CROCC2: variants seen among roughly 807,000 people sequenced by gnomAD.
The protein encoded by CROCC2 is ciliary rootlet coiled-coil, rootletin family member 2, also known as ciliary rootlet coiled-coil protein 2.
A neutral mutation model predicts 177.6 loss-of-function variants in CROCC2; 163 were observed. The ratio of observed to expected loss-of-function variants is 0.92; its 90% CI spans 0.81 to 1.05. The LOEUF is 1.05. Among genes scored for constraint, CROCC2 ranks in the 50% least tolerant of loss-of-function variants. The pLI is 0.00. For missense variants in CROCC2, 1,929 were observed against 1,797.8 expected (o/e 1.07, Z -1.32); for synonymous variants, 904 against 787.3 (o/e 1.15, Z -2.48).
rs1405673868 is a variant in CROCC2, at chr2:240,927,765, C to T, written c.645+1885C>T. ...TCCCGGGTTCAAACGATTCTCCCGC[C>T]TCAACCTCCTGAGTAGTTGGGATTA... On this transcript the variant is annotated intron_variant, in intron 5 of 31. Transcript: ENST00000690015. Among the ~76,000 whole-genome samples, 4 of 152,366 alleles carry T rather than the reference C, an allele frequency of 2.6e-5. No individual in the cohort carries two copies. The South Asian group carries it at 6.2e-4, about 24-fold the overall frequency.
intron 8 of CROCC2, 114 bp downstream of exon 8, chr2:240,932,528 G>T: frequency 1.4e-6 from 1 of 700,030 alleles, no homozygotes; most frequent in South Asian, 1.5e-5. Context: ...GGGCAAGGTG[G>T]GGTCCCTGCA....
In CROCC2 at chr2:240,932,772, G is replaced by A. The variant is rs531224250; in HGVS notation, c.1115G>A (p.Arg372His). 3.3e-4 allele frequency: 426 copies of A among 1,282,652 alleles called. 1 individual carries two copies. In the African/African-American group the frequency reaches 3.8e-3, roughly 11 times the overall value. 79.5% of individuals were successfully genotyped at this position (1,282,652 alleles called of 1,614,324 possible). ...SSITELGEPR[R>H]PLRSPQRATS... Reference sequence around the variant, plus strand: ...ATCACTGAATTGGGGGAGCCACGGCGCCCACTGAGGAGCCCCCAACGTGCC... The same window carrying A: ...ATCACTGAATTGGGGGAGCCACGGCACCCACTGAGGAGCCCCCAACGTGCC... The change falls in exon 9 of 32, where the codon CGC becomes CAC. Residue 372 changes from arginine (R) to histidine (H), a missense_variant. By Grantham distance (29) the Arg-to-His change is conservative. Coordinates refer to ENST00000690015, the MANE Select transcript of CROCC2 (RefSeq NM_001351305.2).
chr2:240,962,887 T>C (rs199518898), intron 20 of CROCC2, among the ~76,000 whole-genome samples: 10 of 143,764 alleles, frequency 7.0e-5, no homozygotes, highest in African/African-American at 2.4e-4. Flanking sequence ...ACCCCACCCC[T>C]GGGTTCTCCC....
At chr2:240,957,290 T>A (rs766011500) in intron 19 of CROCC2, 2 of 152,220 alleles carry the variant, frequency 1.3e-5, no homozygotes, top group Admixed American at 1.3e-4. Flanking sequence ...TTCCCGTACT[T>A]GTTGGCTTAT....
At chr2:240,959,008 G>T in intron 19 of CROCC2, 1 of 347,432 alleles carries the variant, frequency 2.9e-6, no homozygotes, top group East Asian at 5.8e-5. Flanking sequence ...GTCCCTGTAG[G>T]GATGGGCCCT....
At chr2:240,988,204 G>C (rs1482737937) in intron 28 of CROCC2, among the ~76,000 whole-genome samples, 2 of 152,210 alleles carry the variant, frequency 1.3e-5, no homozygotes, top group Non-Finnish European at 2.9e-5. Context: ...GGAGCACATT[G>C]GGGCAGCCTA....
At chr2:240,966,125 C>T (rs986637090) in intron 24 of CROCC2, 100 bp from the exon 25 acceptor site, 10 of 1,259,218 alleles carry the variant, frequency 7.9e-6, no homozygotes, top group Non-Finnish European at 1.0e-5. Flanking sequence ...GTGGCCGTCT[C>T]CCCAACCTCC....
chr2:240,959,268 C>G, intron 19 of CROCC2, 33 bp from the exon 20 acceptor site: 1 of 1,547,278 alleles, frequency 6.5e-7, no homozygotes, highest in Non-Finnish European at 8.7e-7. Context: ...GCCCAGCTCC[C>G]TGGTGCCACC....
rs2059605421 is a variant in CROCC2 at position 240,958,137 on chromosome 2, G to A, written c.2944-1164G>A. The A allele has an allele frequency of 2.0e-6, 2 of 985,320 alleles. No homozygotes were observed. Among genetic ancestry groups the A allele is most frequent in the Non-Finnish European group, 2.4e-6 (2 of 829,936 alleles). 61.0% of individuals were successfully genotyped at this position (985,320 alleles called of 1,614,324 possible). ...ATTAAAACTGTTGAGAGGAGCGGGAGGAGAGGAATGCCGGCCAAGGAGCAC... is the reference window on the plus strand; with the variant it reads ...ATTAAAACTGTTGAGAGGAGCGGGAAGAGAGGAATGCCGGCCAAGGAGCAC... On this transcript the variant is annotated intron_variant, in intron 19 of 31. Transcript: ENST00000690015. This position sits in a 1 kb window ranked among gnomAD's most constrained non-coding sequence, Gnocchi z 6.7.
Position 240,935,516 on chromosome 2 carries a change from G to T in CROCC2, c.2097G>T (p.Arg699=). The change falls in exon 14 of 32, where the codon CGG becomes CGT. Residue 699 remains arginine (R), a synonymous_variant. Transcript: ENST00000690015. Reference sequence around the variant, plus strand: ...AGGCCTGCGGACGCCTGGAGCAGCGGCAGGAGCAGCTGGAGGGGCAGGCAG... The same window carrying T: ...AGGCCTGCGGACGCCTGGAGCAGCGTCAGGAGCAGCTGGAGGGGCAGGCAG... The part of the protein sequence containing the change: ...LQQACGRLEQ[R]QEQLEGQAAL... 2.2e-6 allele frequency: 3 copies of T among 1,351,388 alleles called. No homozygotes were observed. The highest frequency in any genetic ancestry group is 1.9e-6 in the Non-Finnish European group (2 of 1,049,100). 83.7% of individuals were successfully genotyped at this position (1,351,388 alleles called of 1,614,324 possible). A position where few individuals can be genotyped will look rare whatever the true frequency, so the allele number is the denominator to read the frequency against.
At position 240,932,830 on chromosome 2, in the gene CROCC2, C is replaced by T. The variant is rs1480458981; in HGVS notation, c.1173C>T (p.His391=). The T allele has an allele frequency of 3.2e-6, 5 of 1,543,734 alleles. No homozygotes were observed. Among genetic ancestry groups the T allele is most frequent in the Non-Finnish European group, 4.4e-6 (5 of 1,143,278 alleles). Residue 391 remains histidine (H), a synonymous_variant, in exon 9 of 32, where the codon CAC becomes CAT. Transcript: ENST00000690015. ...CCCATCAAGGGGCGTCCCCACCACA[C>T]ATCTGCTCCCCAGCCACCCTGGACC... The part of the protein sequence containing the change: ...TSPHQGASPP[H]ICSPATLDPA...
chr2:240,928,768 C>T (rs1442881423), intron 5 of CROCC2, among the ~76,000 whole-genome samples: 1 of 151,506 alleles, frequency 6.6e-6, no homozygotes, highest in Admixed American at 6.6e-5. Flanking sequence ...GAGGAGCACG[C>T]CCTCGGAGGG....
At chr2:240,975,406 C>T (rs13412511) in intron 27 of CROCC2, among the ~76,000 whole-genome samples, 75 of 152,190 alleles carry the variant, frequency 4.9e-4, no homozygotes, top group Non-Finnish European at 8.5e-4. Context: ...GAGGGCAGGA[C>T]GGGGCAGCTC....
intron 1 of CROCC2, 99 bp downstream of exon 1, chr2:240,906,690 T>C (rs2059256075): frequency 2.5e-6 from 1 of 398,286 alleles, no homozygotes; most frequent in African/African-American, 2.1e-5. Context: ...AGGAGGCACC[T>C]TCCTGGCTCC....
Position 240,963,585 on chromosome 2 carries a change from G to A in CROCC2, c.3117G>A (p.Val1039=). ...EAERLRAQLT[V]AQEGLAALRQ... is the part of the protein sequence containing the mutation. ...AGAGGCTGCGGGCACAGCTGACCGT[G>A]GCCCAGGAGGGACTGGCCGCACTGC... The change falls in exon 21 of 32, where the codon GTG becomes GTA. Residue 1039 remains valine (V), a synonymous_variant. Transcript: ENST00000690015. 6.5e-7 allele frequency: 1 copy of A among 1,545,854 alleles called. No individual in the cohort carries two copies. The highest frequency in any genetic ancestry group is 8.7e-7 in the Non-Finnish European group (1 of 1,144,866).
intron 27 of CROCC2, among the ~76,000 whole-genome samples, chr2:240,974,534 C>CTTTTTTTT (rs61276773): frequency 7.4e-6 from 1 of 134,916 alleles, no homozygotes; most frequent in Non-Finnish European, 1.6e-5. Flanking sequence ...TCTTTTTTTT[C>CTTTTTTTT]TTTTTTTTTT....
chr2:240,988,640 A>T, intron 28 of CROCC2, 99 bp from the exon 29 acceptor site: 1 of 1,206,962 alleles, frequency 8.3e-7, no homozygotes, highest in Non-Finnish European at 1.1e-6. Context: ...GGGAATTCAG[A>T]GTCCTTCCCA....
rs2059658493 is a variant in CROCC2 at position 240,963,734 on chromosome 2, T to C, written c.3266T>C (p.Leu1089Pro). 1 of 1,550,050 alleles carries C rather than the reference T, an allele frequency of 6.5e-7. No individual in the cohort carries two copies. Among genetic ancestry groups the C allele is most frequent in the East Asian group, 2.4e-5 (1 of 40,896 alleles). The part of the protein sequence containing the change: ...KDVLLLFNSE[L>P]RATICRAEQE... ...GTACTGTTGCTTTTCAACAGCGAGC[T>C]GCGGGCCACCATCTGCAGGGCCGAA... Residue 1089 changes from leucine (L) to proline (P), a missense_variant, in exon 21 of 32, where the codon CTG becomes CCG. Leu to Pro is a moderately conservative substitution (Grantham distance 98, BLOSUM62 -3). Coordinates refer to ENST00000690015, the MANE Select transcript of CROCC2 (RefSeq NM_001351305.2).
rs1254943218 is a variant in CROCC2, at chr2:240,964,491, G to A, written c.3331G>A (p.Glu1111Lys). The A allele has an allele frequency of 5.2e-6, 8 of 1,548,754 alleles. No homozygotes were observed. The highest frequency in any genetic ancestry group is 1.4e-5 in the African/African-American group (1 of 72,986). The change falls in exon 22 of 32, where the codon GAG becomes AAG. Residue 1111 changes from glutamate (E) to lysine (K), a missense_variant. Coordinates refer to ENST00000690015, the MANE Select transcript of CROCC2 (RefSeq NM_001351305.2). Reference protein sequence around the residue: ...ASFKRSKEEKEQKLLILEEAQ... With the variant: ...ASFKRSKEEKKQKLLILEEAQ... ...TTTTAAGCGGTCCAAGGAGGAGAAG[G>A]AGCAGAAGCTGCTCATCCTGGAGGA... is the stretch of plus-strand genomic sequence containing the variant.
Sources: gnomAD v4.1 joint callset for allele counts (sites outside exome capture counted in the v4.1 genomes callset) on GRCh38, gnomAD v4.1.1 for gene constraint, Gnocchi (gnomAD v3.1) non-coding constraint, MANE v1.5 for transcripts, NCBI Gene and HGNC (gene_info 2026-07-23, HGNC 2026-07-21) for gene names.